Variants in NUDT3 observed in about 807,000 individuals in gnomAD.
The protein encoded by NUDT3 is diphosphoinositol polyphosphate phosphohydrolase 1.
Under a neutral mutation model 23.6 loss-of-function variants are expected in NUDT3, and 9 were observed. The observed-to-expected ratio is 0.38, with a 90% CI of 0.23 to 0.66. The LOEUF (loss-of-function observed/expected upper bound fraction) is 0.66, where lower values mean the gene tolerates loss of function less well. NUDT3 is among the 30% of genes least tolerant of loss of function. The pLI, the probability that NUDT3 is intolerant of heterozygous loss-of-function variation, is 0.52. For missense variants in NUDT3, 172 were observed against 218.5 expected, an observed-to-expected ratio of 0.79 and a Z score of 1.34; for synonymous variants, 86 against 82.6, an observed-to-expected ratio of 1.04 and a Z score of -0.22.
At chr6:34,352,831 T>A (rs779612721) in intron 1 of NUDT3, among the ~76,000 whole-genome samples, 1 of 152,190 alleles carries the variant, frequency 6.6e-6, no homozygotes, top group South Asian at 2.1e-4. Context: ...GTCACATAAA[T>A]GCAATGAAAA....
At chr6:34,354,394 AACACACACACACACAC>A (rs370168110) in intron 1 of NUDT3, among the ~76,000 whole-genome samples, 1 of 137,634 alleles carries the variant, frequency 7.3e-6, no homozygotes, top group South Asian at 2.4e-4. Context: ...GATTTCATTA[AACACACACACACACAC>A]ACACACACAC....
At chr6:34,387,204 T>C (rs149879098) in intron 1 of NUDT3, among the ~76,000 whole-genome samples, 89 of 149,088 alleles carry the variant, frequency 6.0e-4, no homozygotes, top group African/African-American at 1.9e-3. Context: ...TTTACTATAC[T>C]GTACTTTTTA....
At chr6:34,293,408 T>C in intron 4 of NUDT3, 43 bp downstream of exon 4, 1 of 1,611,976 alleles carries the variant, frequency 6.2e-7, no homozygotes, top group Non-Finnish European at 8.5e-7. Flanking sequence ...TGGCAAGGGC[T>C]GGTTGTGAGG....
rs930214968 is a variant in NUDT3 at position 34,285,313 on chromosome 6, C to A, written c.*3440G>T. 1 of 152,254 alleles carries A rather than the reference C, an allele frequency of 6.6e-6. No homozygotes were observed. The highest frequency in any genetic ancestry group is 1.5e-5 in the Non-Finnish European group (1 of 68,060). 9.4% of individuals were successfully genotyped at this position (152,254 alleles called of 1,614,324 possible). On this transcript the variant is annotated 3_prime_UTR_variant, in exon 5 of 5. Coordinates refer to ENST00000607016, the MANE Select transcript of NUDT3 (RefSeq NM_006703.4). ...TCCTGGTAGCCCTTCTGTACATACA[C>A]ACACACACACCCAGAGAGAAGACAG...
intron 1 of NUDT3, among the ~76,000 whole-genome samples, chr6:34,359,795 C>T (rs1434091833): frequency 1.3e-5 from 2 of 152,126 alleles, no homozygotes; most frequent in Non-Finnish European, 2.9e-5. Flanking sequence ...AAAAATGAAA[C>T]TGCTGGATCA....
At chr6:34,390,508 T>C (rs933998372) in intron 1 of NUDT3, among the ~76,000 whole-genome samples, 5 of 152,076 alleles carry the variant, frequency 3.3e-5, no homozygotes, top group Admixed American at 6.5e-5. Flanking sequence ...AAAAATACAT[T>C]TTCTATTTCT....
intron 1 of NUDT3, among the ~76,000 whole-genome samples, chr6:34,362,587 C>T (rs993403149): frequency 1.3e-5 from 2 of 152,172 alleles, no homozygotes; most frequent in African/African-American, 4.8e-5. Flanking sequence ...GCCTCAGCCT[C>T]CTGAGTAGCT....
chr6:34,357,301 G>A (rs938657260), intron 1 of NUDT3, among the ~76,000 whole-genome samples: 1 of 151,912 alleles, frequency 6.6e-6, no homozygotes, highest in Non-Finnish European at 1.5e-5. Context: ...TTTGGGAGAG[G>A]TTTTAAGTTT....
At chr6:34,375,123 AC>A (rs1420359694) in intron 1 of NUDT3, among the ~76,000 whole-genome samples, 2 of 152,160 alleles carry the variant, frequency 1.3e-5, no homozygotes, top group South Asian at 2.1e-4. Context: ...TAGGCGGATC[AC>A]CCGAGGTCAG....
intron 2 of NUDT3, among the ~76,000 whole-genome samples, chr6:34,314,041 G>A (rs1323806566): frequency 6.6e-6 from 1 of 151,816 alleles, no homozygotes; most frequent in Non-Finnish European, 1.5e-5. Flanking sequence ...AGGATGTGGT[G>A]AGCCAAGATT....
At chr6:34,307,227 T>C (rs140535248) in intron 2 of NUDT3, among the ~76,000 whole-genome samples, 1,763 of 151,938 alleles carry the variant, frequency 0.012, 18 homozygotes, top group Non-Finnish European at 0.019. Context: ...GGGCAACATA[T>C]CAAGACCCTG....
intron 1 of NUDT3, among the ~76,000 whole-genome samples, chr6:34,354,112 T>C (rs1186024093): frequency 1.3e-5 from 2 of 151,596 alleles, no homozygotes; most frequent in Non-Finnish European, 2.9e-5. Flanking sequence ...GAGACAGGGT[T>C]TCACCATGTT....
chr6:34,297,760 A>ATATATATATATTTT (rs1763535832), intron 2 of NUDT3, among the ~76,000 whole-genome samples: 31 of 53,602 alleles, frequency 5.8e-4, no homozygotes, highest in Non-Finnish European at 9.2e-4. Context: ...TATATATATA[A>ATATATATATATTTT]TTTTTTTTTT....
At chr6:34,364,166 A>C (rs2113754159) in intron 1 of NUDT3, among the ~76,000 whole-genome samples, 1 of 152,158 alleles carries the variant, frequency 6.6e-6, no homozygotes, top group East Asian at 1.9e-4. Context: ...GTTTTTATCT[A>C]CCTCTGTTGG....
intron 1 of NUDT3, among the ~76,000 whole-genome samples, chr6:34,358,289 A>ACACACACACACC (rs1554156413): frequency 6.6e-6 from 1 of 151,680 alleles, no homozygotes; most frequent in African/African-American, 2.4e-5. Context: ...ACACACACAC[A>ACACACACACACC]CACCCCTTAT....
rs138242272 is a variant in NUDT3, at chr6:34,293,497, G to A, written c.294C>T (p.Leu98=). 1.5e-5 allele frequency: 25 copies of A among 1,614,168 alleles called. No individual in the cohort carries two copies. The African/African-American group carries it at 3.1e-4, about 20-fold the overall frequency. Residue 98 remains leucine (L), a synonymous_variant, in exon 4 of 5, where the codon CTC becomes CTT. Transcript: ENST00000607016. ...AGTCTTCCAGCACTTCAGTGACAATGAGCACATAGACATACGTCCTGTGCT... is the reference window on the plus strand; with the variant it reads ...AGTCTTCCAGCACTTCAGTGACAATAAGCACATAGACATACGTCCTGTGCT... ...ERKHRTYVYV[L]IVTEVLEDWE...
chr6:34,392,364 C>T lies in NUDT3; in HGVS notation c.-2G>A, dbSNP rs1561928313. On this transcript the variant is annotated 5_prime_UTR_variant, in exon 1 of 5. Coordinates refer to ENST00000607016, the MANE Select transcript of NUDT3 (RefSeq NM_006703.4). ...CTGGTTCGACTTGAGCTTCATCATC[C>T]TCCGGGCCCGGGTGGGGGTGCGGTG... 6.3e-7 allele frequency: 1 copy of T among 1,599,800 alleles called. No homozygotes were observed. The highest frequency in any genetic ancestry group is 8.5e-7 in the Non-Finnish European group (1 of 1,175,236).
chr6:34,354,749 A>ATATATATATACATATATTTATT (rs570166534), intron 1 of NUDT3, among the ~76,000 whole-genome samples: 1 of 144,540 alleles, frequency 6.9e-6, no homozygotes, highest in Non-Finnish European at 1.5e-5. Context: ...ATATATATAT[A>ATATATATATACATATATTTATT]TATTTATTTA....
intron 1 of NUDT3, among the ~76,000 whole-genome samples, chr6:34,346,061 G>A (rs1340721391): frequency 6.6e-6 from 1 of 152,116 alleles, no homozygotes; most frequent in Admixed American, 6.5e-5. Context: ...GAGCCACCGC[G>A]CCCGGCCAAG....
Sources: allele counts gnomAD v4.1 joint callset (sites outside exome capture counted in the v4.1 genomes callset), GRCh38; gene constraint gnomAD v4.1.1; transcripts MANE v1.5; gene names NCBI Gene and HGNC (gene_info 2026-07-23, HGNC 2026-07-21).